Variants in PCBP3 observed in about 807,000 individuals in gnomAD.
The protein encoded by PCBP3 is poly(rC)-binding protein 3.
Under a neutral mutation model 52.7 loss-of-function variants are expected in PCBP3, and 25 were observed. That is an observed-to-expected ratio of 0.47 (90% CI 0.35 to 0.66). PCBP3 has a LOEUF of 0.66. PCBP3 is among the 30% of genes least tolerant of loss of function. PCBP3 has a pLI of 0.01. For missense variants in PCBP3, 391 were observed against 490.3 expected (o/e 0.80, Z 1.91); for synonymous variants, 162 against 183.0 (o/e 0.89, Z 0.93).
In PCBP3 at chr21:45,788,665, C is replaced by T. The variant is rs547045791; in HGVS notation, c.-126+33213C>T. The T allele has an allele frequency of 3.7e-4, 56 of 152,364 alleles. No homozygotes were observed. Among genetic ancestry groups the T allele is most frequent in the African/African-American group, 1.2e-3 (51 of 41,576 alleles). The allele number at this position is 152,364 out of a possible 1,614,324, so 9.4% of individuals were successfully genotyped here. A position where few individuals can be genotyped will look rare whatever the true frequency, so the allele number is the denominator to read the frequency against. On this transcript the variant is annotated intron_variant, in intron 4 of 17. Transcript: ENST00000681687. This position sits in a 1 kb window ranked among gnomAD's most constrained non-coding sequence, Gnocchi z 4.3. The stretch of plus-strand genomic sequence containing the variant: ...ATTGACCTCACTCACTGTGGGCCGC[C>T]ACGAGGGCCCCTCAGAGACGATGCT...
At chr21:45,785,561 CGCCTCT>C (rs1366983001) in intron 4 of PCBP3, among the ~76,000 whole-genome samples, 1 of 150,874 alleles carries the variant, frequency 6.6e-6, no homozygotes, top group Admixed American at 6.6e-5. Context: ...AGGTGAGGGG[CGCCTCT>C]GCCCGGCCGC....
chr21:45,787,411 ATT>A (rs761892935), intron 4 of PCBP3, among the ~76,000 whole-genome samples: 5 of 143,900 alleles, frequency 3.5e-5, no homozygotes, highest in Admixed American at 6.9e-5. Context: ...CACCTGGCTA[ATT>A]TTTTTTTTTT....
intron 1 of PCBP3, among the ~76,000 whole-genome samples, chr21:45,651,281 T>TA (rs2079665805): frequency 6.6e-6 from 1 of 152,224 alleles, no homozygotes; most frequent in African/African-American, 2.4e-5. Flanking sequence ...CGACTCTATT[T>TA]AAGGTAACCA....
chr21:45,896,419 A>G (rs561210283), intron 6 of PCBP3, 57 bp downstream of exon 6: 1 of 1,490,800 alleles, frequency 6.7e-7, no homozygotes, highest in Admixed American at 2.0e-5. Context: ...ACAGAACCAG[A>G]GATGCACTGC....
intron 4 of PCBP3, among the ~76,000 whole-genome samples, chr21:45,756,121 T>C (rs2088017421): frequency 6.6e-6 from 1 of 152,198 alleles, no homozygotes; most frequent in African/African-American, 2.4e-5. Flanking sequence ...TAAGAATATA[T>C]AGTGCAAGAT....
rs1285133975 is a variant in PCBP3, at chr21:45,904,758, A to C, written c.339+3645A>C. On this transcript the variant is annotated intron_variant, in intron 9 of 17. Transcript: ENST00000681687. This position sits in a 1 kb window ranked among gnomAD's most constrained non-coding sequence, Gnocchi z 4.8. ...GTGAACACTGGTTAAAATCTACCTGAAGGTGCTCAGAGGGCCCTTGAGTCG... is the reference window on the plus strand; with the variant it reads ...GTGAACACTGGTTAAAATCTACCTGCAGGTGCTCAGAGGGCCCTTGAGTCG... Among the ~76,000 whole-genome samples the C allele has an allele frequency of 6.6e-6, 1 of 152,196 alleles. No homozygotes were observed.
intron 10 of PCBP3, 151 bp from the exon 11 acceptor site, chr21:45,910,751 C>A: frequency 1.4e-6 from 1 of 719,328 alleles, no homozygotes; most frequent in Non-Finnish European, 2.2e-6. Flanking sequence ...GGGGGCAGTG[C>A]TGGGATGGCG....
chr21:45,930,617 G>A (rs2076057057), intron 14 of PCBP3, among the ~76,000 whole-genome samples, 169 bp from the exon 15 acceptor site: 1 of 152,172 alleles, frequency 6.6e-6, no homozygotes, highest in African/African-American at 2.4e-5. Context: ...CCCCTGGCGT[G>A]CCTGGCAGCT....
intron 4 of PCBP3, among the ~76,000 whole-genome samples, chr21:45,797,754 GTGAATGGATGTGCATGTGGA>G (rs2092036300): frequency 1.8e-3 from 2 of 1,124 alleles, no homozygotes; most frequent in African/African-American, 3.4e-3. Flanking sequence ...CATAGAGAGA[GTGAATGGATGTGCATGTGGA>G]TGAATGCATG....
chr21:45,795,829 G>T lies in PCBP3; in HGVS notation c.-126+40377G>T, dbSNP rs184752104. Among the ~76,000 whole-genome samples the T allele has an allele frequency of 1.6e-3, 242 of 152,310 alleles. 1 individual carries two copies. The highest frequency in any genetic ancestry group is 5.6e-3 in the African/African-American group (232 of 41,568). On this transcript the variant is annotated intron_variant, in intron 4 of 17. Transcript: ENST00000681687. Reference sequence around the variant, plus strand: ...AAATACTTAAACTGTTAGCCACTTCGATCAAGAAAGAGAAGGTGTGAAACC... The same window carrying T: ...AAATACTTAAACTGTTAGCCACTTCTATCAAGAAAGAGAAGGTGTGAAACC...
intron 2 of PCBP3, among the ~76,000 whole-genome samples, chr21:45,684,727 T>A (rs907620511): frequency 3.3e-5 from 5 of 152,182 alleles, no homozygotes; most frequent in Non-Finnish European, 7.3e-5. Flanking sequence ...CGCAGAGCCA[T>A]GAGCCAAAAC....
intron 1 of PCBP3, among the ~76,000 whole-genome samples, chr21:45,657,634 C>A (rs1418727422): frequency 1.3e-5 from 2 of 151,230 alleles, no homozygotes; most frequent in Non-Finnish European, 2.9e-5. Flanking sequence ...TGGTCCCTTG[C>A]ATTTTCATAT....
intron 2 of PCBP3, among the ~76,000 whole-genome samples, chr21:45,688,607 G>T (rs1258316309): frequency 6.6e-6 from 1 of 151,594 alleles, no homozygotes; most frequent in Non-Finnish European, 1.5e-5. Flanking sequence ...TAAATAGGAA[G>T]AAAATAATAA....
chr21:45,662,463 G>T (rs983824146), intron 1 of PCBP3, among the ~76,000 whole-genome samples: 1 of 151,512 alleles, frequency 6.6e-6, no homozygotes, highest in African/African-American at 2.4e-5. Flanking sequence ...TATTTGCCTA[G>T]GCCAATGTCC....
chr21:45,777,727 C>T (rs972406908), intron 4 of PCBP3, among the ~76,000 whole-genome samples: 2 of 151,756 alleles, frequency 1.3e-5, no homozygotes, highest in African/African-American at 2.4e-5. Context: ...TTTTGTATCT[C>T]CTTCAATGAA....
At chr21:45,906,435 G>A (rs916301308) in intron 9 of PCBP3, among the ~76,000 whole-genome samples, 50 of 152,068 alleles carry the variant, frequency 3.3e-4, no homozygotes, top group African/African-American at 1.2e-3. Context: ...CCTTTGGATA[G>A]GGGCTAGGGT....
At chr21:45,892,000 G>T in intron 5 of PCBP3, among the ~76,000 whole-genome samples, 1 of 152,220 alleles carries the variant, frequency 6.6e-6, no homozygotes, top group East Asian at 1.9e-4. Flanking sequence ...CACAGGGTCA[G>T]AATCTAATGT....
intron 4 of PCBP3, among the ~76,000 whole-genome samples, chr21:45,758,088 C>T (rs1363039927): frequency 2.6e-5 from 4 of 152,110 alleles, no homozygotes. Flanking sequence ...GGGGTTTCAC[C>T]ATGTTGCCCA....
chr21:45,795,266 C>T (rs894286230), intron 4 of PCBP3, among the ~76,000 whole-genome samples: 3 of 151,196 alleles, frequency 2.0e-5, no homozygotes, highest in African/African-American at 4.9e-5. Context: ...ATTCATAACC[C>T]ACTCTCTTTT....
Sources: gnomAD v4.1 joint callset for allele counts (sites outside exome capture counted in the v4.1 genomes callset) on GRCh38, gnomAD v4.1.1 for gene constraint, Gnocchi (gnomAD v3.1) non-coding constraint, MANE v1.5 for transcripts, NCBI Gene and HGNC (gene_info 2026-07-23, HGNC 2026-07-21) for gene names.